The following CNTLN variants were observed in gnomAD, a reference collection of about 807,000 sequenced individuals.
CNTLN encodes the protein centlein.
Under a neutral mutation model 180.0 loss-of-function variants are expected in CNTLN, and 212 were observed. The ratio of observed to expected loss-of-function variants is 1.18; its 90% CI spans 1.05 to 1.32. CNTLN has a LOEUF of 1.32. Ranked by LOEUF, CNTLN falls within the 40% of genes most tolerant of loss-of-function variation. The pLI, the probability that CNTLN is intolerant of heterozygous loss-of-function variation, is 0.00. For missense variants in CNTLN, 2,095 were observed against 1,610.9 expected (o/e 1.30, Z -5.14); for synonymous variants, 722 against 563.1 (o/e 1.28, Z -3.99).
At chr9:17,426,149 A>G (rs1587962761) in intron 18 of CNTLN, among the ~76,000 whole-genome samples, 2 of 152,198 alleles carry the variant, frequency 1.3e-5, no homozygotes, top group African/African-American at 4.8e-5. Flanking sequence ...AGAAATAGAC[A>G]ATGAAGGAAA....
At chr9:17,216,493 C>T (rs116260820) in intron 2 of CNTLN, among the ~76,000 whole-genome samples, 2,084 of 151,922 alleles carry the variant, frequency 0.014, 46 homozygotes, top group African/African-American at 0.047. Context: ...TTTTTATTGG[C>T]CGGTTTATTA....
chr9:17,397,399 G>C (rs1208025849), intron 15 of CNTLN, among the ~76,000 whole-genome samples: 1 of 152,168 alleles, frequency 6.6e-6, no homozygotes, highest in African/African-American at 2.4e-5. Flanking sequence ...ACAAGGAGTG[G>C]ATTATTCATG....
chr9:17,221,047 G>C (rs981191487), intron 2 of CNTLN, among the ~76,000 whole-genome samples: 14 of 152,084 alleles, frequency 9.2e-5, no homozygotes, highest in South Asian at 4.1e-4. Flanking sequence ...TGTAGTTAAT[G>C]CTTTGACTTT....
intron 7 of CNTLN, among the ~76,000 whole-genome samples, chr9:17,303,192 T>C (rs1452403114): frequency 6.6e-6 from 1 of 152,232 alleles, no homozygotes; most frequent in South Asian, 2.1e-4. Flanking sequence ...TCTTAAACTT[T>C]ATTATAAAGC....
chr9:17,273,679 G>A, intron 5 of CNTLN, 54 bp from the exon 6 acceptor site: 3 of 894,006 alleles, frequency 3.4e-6, no homozygotes, highest in Non-Finnish European at 4.8e-6. Flanking sequence ...CAGATGTTTT[G>A]TTACATGTAG....
chr9:17,239,548 C>T (rs1825362751), intron 5 of CNTLN, among the ~76,000 whole-genome samples: 1 of 152,032 alleles, frequency 6.6e-6, no homozygotes, highest in East Asian at 1.9e-4. Flanking sequence ...ATTGCTAATC[C>T]AAGGTCATGA....
In CNTLN at chr9:17,467,007, T is replaced by C. The variant is rs1831792020; in HGVS notation, c.3855+116T>C. 4 of 617,170 alleles carry C rather than the reference T, an allele frequency of 6.5e-6. No homozygotes were observed. The South Asian group carries it at 1.0e-4, about 16-fold the overall frequency. 38.2% of individuals were successfully genotyped at this position (617,170 alleles called of 1,614,324 possible). A position where few individuals can be genotyped will look rare whatever the true frequency, so the allele number is the denominator to read the frequency against. ...TTCTGCTTTCCTAACACAGAAAGCA[T>C]CTTCTTCTACCCTATTTATCACATT... On this transcript the variant is annotated intron_variant, in intron 23 of 25. Transcript: ENST00000380647.
intron 6 of CNTLN, among the ~76,000 whole-genome samples, chr9:17,288,152 T>C (rs1181773193): frequency 1.6e-5 from 2 of 127,678 alleles, no homozygotes; most frequent in East Asian, 2.4e-4. Flanking sequence ...TTTAGTGCTA[T>C]AAATTTCCCT....
intron 12 of CNTLN, among the ~76,000 whole-genome samples, chr9:17,355,937 G>A (rs2133339516): frequency 6.6e-6 from 1 of 151,898 alleles, no homozygotes; most frequent in Admixed American, 6.6e-5. Context: ...GGTGGCGGGC[G>A]CCTGTAGTCC....
At chr9:17,395,377 T>C (rs1488172925) in intron 15 of CNTLN, among the ~76,000 whole-genome samples, 1 of 152,126 alleles carries the variant, frequency 6.6e-6, no homozygotes, top group Non-Finnish European at 1.5e-5. Flanking sequence ...GCAGGTTGAT[T>C]TAATCTGCTG....
chr9:17,289,381 G>C (rs1274348295), intron 6 of CNTLN, among the ~76,000 whole-genome samples: 2 of 106,844 alleles, frequency 1.9e-5, no homozygotes, highest in Non-Finnish European at 3.6e-5. Flanking sequence ...GAGATCCGCT[G>C]TTAGTCTGAT....
chr9:17,141,557 C>T (rs1460094329), intron 1 of CNTLN, among the ~76,000 whole-genome samples: 1 of 152,060 alleles, frequency 6.6e-6, no homozygotes, highest in Non-Finnish European at 1.5e-5. Context: ...CATATGGAGT[C>T]TTGTAGCCTT....
At chr9:17,196,688 A>G (rs1822154540) in intron 2 of CNTLN, among the ~76,000 whole-genome samples, 1 of 150,992 alleles carries the variant, frequency 6.6e-6, no homozygotes, top group Non-Finnish European at 1.5e-5. Context: ...ATATGTAATA[A>G]TACATTTTTA....
chr9:17,502,712 A>G lies in CNTLN; in HGVS notation c.*60A>G. 5.1e-6 allele frequency: 3 copies of G among 592,256 alleles called. No individual in the cohort carries two copies. Among genetic ancestry groups the G allele is most frequent in the East Asian group, 3.3e-5 (1 of 30,140 alleles). The allele number at this position is 592,256 out of a possible 1,614,324, so 36.7% of individuals were successfully genotyped here. ...ACTTTTTATGTGGTGTGATTGGAAT[A>G]CATGCATTGCAATCCTGACACGGTA... On this transcript the variant is annotated 3_prime_UTR_variant, in exon 26 of 26. Transcript: ENST00000380647.
intron 10 of CNTLN, among the ~76,000 whole-genome samples, chr9:17,333,526 T>A (rs1435176187): frequency 6.6e-6 from 1 of 152,168 alleles, no homozygotes; most frequent in Non-Finnish European, 1.5e-5. Context: ...AAGCTCAGAT[T>A]CTTTGTCATA....
the CNTLN span, among the ~76,000 whole-genome samples, chr9:17,510,829 A>G: frequency 6.6e-6 from 1 of 152,234 alleles, no homozygotes; most frequent in South Asian, 2.1e-4. Context: ...TAAAGCTATC[A>G]TGAATATTCA....
chr9:17,384,024 T>A (rs1825482197), intron 13 of CNTLN, among the ~76,000 whole-genome samples: 3 of 152,172 alleles, frequency 2.0e-5, no homozygotes, highest in African/African-American at 7.2e-5. Flanking sequence ...AAGATCGAAA[T>A]TAAAATATAA....
intron 2 of CNTLN, among the ~76,000 whole-genome samples, chr9:17,223,413 G>A (rs1824271345): frequency 6.6e-6 from 1 of 151,832 alleles, no homozygotes; most frequent in Non-Finnish European, 1.5e-5. Context: ...TGTTGATTAG[G>A]CATCTCAAAC....
chr9:17,260,746 A>G (rs936579761), intron 5 of CNTLN, among the ~76,000 whole-genome samples: 1 of 151,484 alleles, frequency 6.6e-6, no homozygotes, highest in Non-Finnish European at 1.5e-5. Context: ...TGTCTTCATC[A>G]TAAAATCTTT....
Sources: allele counts gnomAD v4.1 joint callset (sites outside exome capture counted in the v4.1 genomes callset), GRCh38; gene constraint gnomAD v4.1.1; transcripts MANE v1.5; gene names NCBI Gene and HGNC (gene_info 2026-07-23, HGNC 2026-07-21).